The following B4GALT6 variants were observed in gnomAD, a reference collection of about 807,000 sequenced individuals.
B4GALT6 encodes beta-1,4-galactosyltransferase 6.
Under a neutral mutation model 46.3 loss-of-function variants are expected in B4GALT6, and 14 were observed. That is an observed-to-expected ratio of 0.30 (90% CI 0.20 to 0.47). B4GALT6 has a LOEUF of 0.47. Ranked by LOEUF, B4GALT6 falls within the 20% of genes least tolerant of loss-of-function variation. The probability of loss-of-function intolerance (pLI) is 0.99; values close to 1 mark genes in which losing one functional copy is unlikely to be tolerated. For synonymous variants in B4GALT6, 168 were observed against 162.0 expected, an observed-to-expected ratio of 1.04 and a Z score of -0.28; for missense variants, 386 against 480.1, an observed-to-expected ratio of 0.80 and a Z score of 1.83.
At chr18:31,657,933 TAACAC>T (rs769794853) in intron 3 of B4GALT6, 38 bp downstream of exon 3, 1 of 1,499,560 alleles carries the variant, frequency 6.7e-7, no homozygotes, top group South Asian at 1.1e-5. Context: ...GACTGTATTG[TAACAC>T]AAGTAAACAG....
intron 1 of B4GALT6, among the ~76,000 whole-genome samples, chr18:31,682,770 A>G (rs2074495161): frequency 6.6e-6 from 1 of 152,224 alleles, no homozygotes; most frequent in South Asian, 2.1e-4. Flanking sequence ...TCCTAGTAAA[A>G]AAACATACCC....
At position 31,625,724 on chromosome 18, in the gene B4GALT6, T is replaced by G. The variant is rs1265095013; in HGVS notation, c.1039A>C (p.Ile347Leu). ...LLRYSKERQY[I>L]DGLNNLIYRP... ...TATATTAAATTGTTCAGTCCATCGATGTACTGACGCTCCTTGGAATACCTT... is the reference window on the plus strand; with the variant it reads ...TATATTAAATTGTTCAGTCCATCGAGGTACTGACGCTCCTTGGAATACCTT... The change falls in exon 9 of 9, where the codon ATC becomes CTC. Residue 347 changes from isoleucine (I) to leucine (L), a missense_variant. By Grantham distance (5) the Ile-to-Leu change is conservative. Around this residue, in one of 2 missense-constraint regions of B4GALT6, gnomAD observed 323 missense variants for 438.9 expected, o/e 0.74. Transcript: ENST00000306851. The G allele has an allele frequency of 6.2e-7, 1 of 1,610,794 alleles. No homozygotes were observed. The highest frequency in any genetic ancestry group is 1.7e-5 in the Admixed American group (1 of 58,946).
the B4GALT6 span, among the ~76,000 whole-genome samples, chr18:31,702,674 G>A: frequency 1.3e-5 from 2 of 152,160 alleles, no homozygotes; most frequent in African/African-American, 4.8e-5. Context: ...GCCTAAACAG[G>A]TGAAGGAAAG....
At chr18:31,639,743 C>A (rs181859436) in intron 4 of B4GALT6, among the ~76,000 whole-genome samples, 4 of 152,104 alleles carry the variant, frequency 2.6e-5, no homozygotes, top group African/African-American at 7.2e-5. Context: ...TTTCTTAGTA[C>A]GTTAATCTTT....
intron 6 of B4GALT6, among the ~76,000 whole-genome samples, chr18:31,630,129 G>A (rs1342373083): frequency 2.0e-5 from 3 of 150,564 alleles, no homozygotes; most frequent in South Asian, 2.1e-4. Context: ...GAGGAGTGGG[G>A]AGGAGGAAGA....
the B4GALT6 span, among the ~76,000 whole-genome samples, chr18:31,701,281 T>C: frequency 6.6e-6 from 1 of 152,170 alleles, no homozygotes; most frequent in Non-Finnish European, 1.5e-5. Context: ...GTGTAGCACC[T>C]CCCTTCCTCT....
chr18:31,629,447 A>ATTTTTTTTTTTTTTTTTTTTTTTTTTT (rs869030382), intron 6 of B4GALT6, among the ~76,000 whole-genome samples: 5 of 32,882 alleles, frequency 1.5e-4, no homozygotes, highest in Non-Finnish European at 2.4e-4. Flanking sequence ...GCCCTTTATG[A>ATTTTTTTTTTTTTTTTTTTTTTTTTTT]TTTTTTTTTT....
At chr18:31,661,903 T>C (rs899579213) in intron 2 of B4GALT6, among the ~76,000 whole-genome samples, 13 of 152,230 alleles carry the variant, frequency 8.5e-5, no homozygotes, top group Non-Finnish European at 1.3e-4. Context: ...AATAAGAGTA[T>C]TTCCTTACTC....
At chr18:31,692,272 GA>G in the B4GALT6 span, among the ~76,000 whole-genome samples, 2 of 152,172 alleles carry the variant, frequency 1.3e-5, no homozygotes, top group African/African-American at 4.8e-5. Context: ...AGATTTAAGA[GA>G]TGCTGGCAAA....
intron 1 of B4GALT6, among the ~76,000 whole-genome samples, chr18:31,668,692 TAA>T (rs1039484260): frequency 6.6e-6 from 1 of 152,002 alleles, no homozygotes; most frequent in African/African-American, 2.4e-5. Flanking sequence ...TGACTTCTCA[TAA>T]AAAGTCATCT....
At chr18:31,629,719 A>G (rs773520596) in intron 6 of B4GALT6, among the ~76,000 whole-genome samples, 23 of 150,450 alleles carry the variant, frequency 1.5e-4, no homozygotes, top group Admixed American at 2.6e-4. Flanking sequence ...GCGTGGTGGC[A>G]GGCGCCTGTA....
chr18:31,654,625 T>C (rs573932164), intron 3 of B4GALT6, among the ~76,000 whole-genome samples: 47 of 152,338 alleles, frequency 3.1e-4, no homozygotes, highest in African/African-American at 1.1e-3. Flanking sequence ...TCCATTGCTA[T>C]ACTAAGTAAA....
At chr18:31,701,468 C>A in the B4GALT6 span, among the ~76,000 whole-genome samples, 1 of 152,080 alleles carries the variant, frequency 6.6e-6, no homozygotes, top group African/African-American at 2.4e-5. Flanking sequence ...TCAGCTATTT[C>A]TTTATAGCAG....
In B4GALT6 at chr18:31,623,973, TATAG is replaced by T. The variant is rs2073652504; in HGVS notation, c.*1637_*1640del. ...CATCATTGTTGTTGAACATTCACTT[TATAG>T]ATATTTAATTTTTTGTTTAAAATTT... On this transcript the variant is annotated 3_prime_UTR_variant, in exon 9 of 9. Coordinates refer to ENST00000306851, the MANE Select transcript of B4GALT6 (RefSeq NM_004775.5). The T allele has an allele frequency of 6.6e-6, 1 of 152,080 alleles. No individual in the cohort carries two copies. The highest frequency in any genetic ancestry group is 1.5e-5 in the Non-Finnish European group (1 of 67,902). 9.4% of individuals were successfully genotyped at this position (152,080 alleles called of 1,614,324 possible).
chr18:31,649,865 A>G (rs1266367010), intron 3 of B4GALT6, among the ~76,000 whole-genome samples: 3 of 152,246 alleles, frequency 2.0e-5, no homozygotes, highest in Non-Finnish European at 4.4e-5. Context: ...CTCAAAAAAC[A>G]TAAAACAGAA....
chr18:31,627,160 T>C (rs1376047673), intron 6 of B4GALT6, 39 bp from the exon 7 acceptor site: 6 of 1,546,796 alleles, frequency 3.9e-6, no homozygotes, highest in Non-Finnish European at 5.2e-6. Flanking sequence ...AATAAAATCA[T>C]AATAATTTCC....
chr18:31,718,046 G>A, the B4GALT6 span, among the ~76,000 whole-genome samples: 5 of 151,774 alleles, frequency 3.3e-5, no homozygotes, highest in Non-Finnish European at 5.9e-5. Context: ...TATTAAAACT[G>A]GTTACTAACA....
At chr18:31,703,384 T>A in the B4GALT6 span, among the ~76,000 whole-genome samples, 4 of 152,188 alleles carry the variant, frequency 2.6e-5, no homozygotes, top group African/African-American at 9.7e-5. Context: ...TTTTATATTA[T>A]GCCTATCCTT....
chr18:31,655,851 T>C (rs2074131581), intron 3 of B4GALT6, among the ~76,000 whole-genome samples: 1 of 152,108 alleles, frequency 6.6e-6, no homozygotes, highest in Non-Finnish European at 1.5e-5. Context: ...TGAGTTCCAT[T>C]CTTTATTATG....
Sources: gnomAD v4.1 joint callset for allele counts (sites outside exome capture counted in the v4.1 genomes callset) on GRCh38, gnomAD v4.1.1 for gene constraint, gnomAD v4.1.1 regional missense constraint, MANE v1.5 for transcripts, NCBI Gene and HGNC (gene_info 2026-07-23, HGNC 2026-07-21) for gene names.